C9orf153: variants seen among roughly 807,000 people sequenced by gnomAD.
C9orf153 encodes the protein uncharacterized protein C9orf153.
In C9orf153, 10 loss-of-function variants were observed where a neutral mutation model predicts 9.0. The ratio of observed to expected loss-of-function variants is 1.11; its 90% CI spans 0.69 to 1.89. The LOEUF is 1.89. Ranked by LOEUF, C9orf153 falls within the 40% of genes most tolerant of loss-of-function variation. The pLI is 0.00. For missense variants in C9orf153, 108 were observed against 111.0 expected, an observed-to-expected ratio of 0.97 and a Z score of 0.12; for synonymous variants, 35 against 37.3, an observed-to-expected ratio of 0.94 and a Z score of 0.23.
At chr9:86,241,906 G>T (rs910165949) in intron 1 of C9orf153, among the ~76,000 whole-genome samples, 1 of 152,186 alleles carries the variant, frequency 6.6e-6, no homozygotes, top group Non-Finnish European at 1.5e-5. Flanking sequence ...GATTACAGGC[G>T]TGAGCCACTA....
At chr9:86,245,570 G>C (rs2131198687) in intron 1 of C9orf153, among the ~76,000 whole-genome samples, 1 of 152,270 alleles carries the variant, frequency 6.6e-6, no homozygotes, top group Non-Finnish European at 1.5e-5. Context: ...CCACGTTATA[G>C]AGTAATACTC....
At chr9:86,241,300 G>A (rs908918639) in intron 1 of C9orf153, among the ~76,000 whole-genome samples, 10 of 152,162 alleles carry the variant, frequency 6.6e-5, no homozygotes, top group African/African-American at 2.4e-4. Flanking sequence ...GAGATGCCAG[G>A]AGAGAACTGG....
chr9:86,232,886 C>G (rs1057030192), intron 1 of C9orf153, among the ~76,000 whole-genome samples: 1 of 152,042 alleles, frequency 6.6e-6, no homozygotes, highest in Admixed American at 6.6e-5. Flanking sequence ...GCAAGCGCCA[C>G]CACACCCGGC....
intron 1 of C9orf153, among the ~76,000 whole-genome samples, chr9:86,231,038 G>C (rs991133468): frequency 6.6e-6 from 1 of 152,198 alleles, no homozygotes; most frequent in Admixed American, 6.5e-5. Flanking sequence ...ACCATGTAAA[G>C]AGAGATCTGG....
At chr9:86,235,913 T>C (rs1338729749) in intron 1 of C9orf153, among the ~76,000 whole-genome samples, 1 of 151,920 alleles carries the variant, frequency 6.6e-6, no homozygotes, top group African/African-American at 2.4e-5. Context: ...AATAATGATT[T>C]AAAATTTCCC....
intron 1 of C9orf153, among the ~76,000 whole-genome samples, chr9:86,234,579 C>A (rs1379462819): frequency 6.6e-6 from 1 of 152,150 alleles, no homozygotes; most frequent in East Asian, 1.9e-4. Flanking sequence ...GATTATAGAA[C>A]TAAGTATGAG....
intron 1 of C9orf153, among the ~76,000 whole-genome samples, chr9:86,245,256 A>C (rs1162706347): frequency 2.6e-5 from 4 of 152,216 alleles, no homozygotes; most frequent in African/African-American, 9.6e-5. Context: ...TTTATTTTTA[A>C]TTGTGGTAAA....
chr9:86,255,683 T>C (rs1587812715), intron 1 of C9orf153, among the ~76,000 whole-genome samples: 2 of 152,236 alleles, frequency 1.3e-5, no homozygotes, highest in Non-Finnish European at 1.5e-5. Flanking sequence ...CAAGATGGTA[T>C]GTAAGCTTCT....
At chr9:86,250,853 C>T (rs1462890946) in intron 1 of C9orf153, among the ~76,000 whole-genome samples, 7 of 152,206 alleles carry the variant, frequency 4.6e-5, no homozygotes, top group East Asian at 1.9e-4. Flanking sequence ...TAGTTGAAAA[C>T]GAATTGTGAA....
chr9:86,226,748 GTTTT>G (rs201015759), intron 3 of C9orf153, among the ~76,000 whole-genome samples: 1 of 151,396 alleles, frequency 6.6e-6, no homozygotes, highest in Non-Finnish European at 1.5e-5. Context: ...AAGTTTCATG[GTTTT>G]TTGTTTGTTT....
chr9:86,255,230 T>C (rs982253454), intron 1 of C9orf153, among the ~76,000 whole-genome samples: 2 of 152,166 alleles, frequency 1.3e-5, no homozygotes, highest in Non-Finnish European at 2.9e-5. Flanking sequence ...AACATGGCTT[T>C]TAATATGTGA....
At chr9:86,247,258 C>T (rs1184322715) in intron 1 of C9orf153, among the ~76,000 whole-genome samples, 1 of 151,704 alleles carries the variant, frequency 6.6e-6, no homozygotes, top group South Asian at 2.1e-4. Context: ...ACAGTGAATG[C>T]TCTCTGTCTT....
chr9:86,249,532 G>A (rs1824946673), intron 1 of C9orf153, among the ~76,000 whole-genome samples: 1 of 150,056 alleles, frequency 6.7e-6, no homozygotes, highest in East Asian at 2.0e-4. Context: ...AGAGGCCAAA[G>A]GAAAACGTCT....
intron 3 of C9orf153, among the ~76,000 whole-genome samples, chr9:86,223,604 C>A (rs1394442138): frequency 6.6e-6 from 1 of 152,166 alleles, no homozygotes; most frequent in Non-Finnish European, 1.5e-5. Flanking sequence ...TATTCACCAG[C>A]CTTCCCTACA....
intron 1 of C9orf153, among the ~76,000 whole-genome samples, chr9:86,255,366 T>C (rs938072027): frequency 2.0e-5 from 3 of 152,164 alleles, no homozygotes; most frequent in Non-Finnish European, 4.4e-5. Context: ...CCCTGCAAAG[T>C]TGTCTTTCGT....
chr9:86,226,751 TTTTG>T (rs548367748), intron 3 of C9orf153, among the ~76,000 whole-genome samples: 563 of 146,428 alleles, frequency 3.8e-3, no homozygotes, highest in African/African-American at 4.1e-3. Context: ...TTTCATGGTT[TTTTG>T]TTTGTTTGTT....
intron 1 of C9orf153, among the ~76,000 whole-genome samples, chr9:86,237,324 A>G (rs545072572): frequency 1.3e-5 from 2 of 152,362 alleles, no homozygotes; most frequent in Admixed American, 6.5e-5. Flanking sequence ...TTTGGTGAAT[A>G]TTAATACAAA....
chr9:86,237,649 T>C (rs886877628), intron 1 of C9orf153, among the ~76,000 whole-genome samples: 14 of 151,892 alleles, frequency 9.2e-5, no homozygotes, highest in African/African-American at 3.4e-4. Flanking sequence ...AGAGATATTA[T>C]CCTTGAAAGA....
At chr9:86,245,348 C>T (rs1317254897) in intron 1 of C9orf153, among the ~76,000 whole-genome samples, 9 of 152,150 alleles carry the variant, frequency 5.9e-5, no homozygotes, top group Non-Finnish European at 1.0e-4. Context: ...CATTGTGTAA[C>T]GCATCTCCAG....
Sources: allele counts gnomAD v4.1 joint callset (sites outside exome capture counted in the v4.1 genomes callset), GRCh38; gene constraint gnomAD v4.1.1; transcripts MANE v1.5; gene names NCBI Gene and HGNC (gene_info 2026-07-23, HGNC 2026-07-21).